Variants in RBFOX3 observed in about 807,000 individuals in gnomAD.
The protein encoded by RBFOX3 is RNA binding protein fox-1 homolog 3.
Under a neutral mutation model 48.7 loss-of-function variants are expected in RBFOX3, and 17 were observed. The ratio of observed to expected loss-of-function variants is 0.35; its 90% CI spans 0.24 to 0.52. The LOEUF (loss-of-function observed/expected upper bound fraction) is 0.52, where lower values mean the gene tolerates loss of function less well. Ranked by LOEUF, RBFOX3 falls within the 20% of genes least tolerant of loss-of-function variation. The pLI is 0.94. For missense variants in RBFOX3, 382 were observed against 497.5 expected, an observed-to-expected ratio of 0.77 and a Z score of 2.21; for synonymous variants, 212 against 209.5, an observed-to-expected ratio of 1.01 and a Z score of -0.10.
chr17:79,235,462 A>C (rs1241715715), intron 4 of RBFOX3: 2 of 152,248 alleles, frequency 1.3e-5, no homozygotes, highest in East Asian at 3.9e-4. Context: ...GGCCAGCCAG[A>C]ATTGCCTAAA....
intron 3 of RBFOX3, among the ~76,000 whole-genome samples, chr17:79,253,166 T>C (rs1181632373): frequency 2.0e-5 from 3 of 152,054 alleles, no homozygotes; most frequent in Non-Finnish European, 4.4e-5. Context: ...TAACCACCAC[T>C]CCTCCTAGCA....
intron 3 of RBFOX3, among the ~76,000 whole-genome samples, chr17:79,257,874 C>T (rs377346633): frequency 6.6e-6 from 1 of 152,094 alleles, no homozygotes; most frequent in East Asian, 1.9e-4. Context: ...AGCCACCATG[C>T]CTGGTCTGTC....
intron 1 of RBFOX3, among the ~76,000 whole-genome samples, chr17:79,586,886 T>C (rs2093267548): frequency 6.6e-6 from 1 of 152,232 alleles, no homozygotes. Context: ...GCTGTCGATA[T>C]TCCTTTATGA....
In RBFOX3 at chr17:79,227,979, G is replaced by A. The variant is rs555610276; in HGVS notation, c.-34+7787C>T. On this transcript the variant is annotated intron_variant, in intron 4 of 14. Transcript: ENST00000693108. ...CCTCCCCCTACGAATCCTCTGGAGAGACAAGGGGCCCTGCGGTCAGCGTCA... is the reference window on the plus strand; with the variant it reads ...CCTCCCCCTACGAATCCTCTGGAGAAACAAGGGGCCCTGCGGTCAGCGTCA... 1.7e-3 allele frequency among the ~76,000 whole-genome samples: 252 copies of A among 152,304 alleles called. 1 individual carries two copies. Among genetic ancestry groups the A allele is most frequent in the African/African-American group, 5.8e-3 (243 of 41,570 alleles).
chr17:79,516,971 G>GATGGGA (rs1484305473), intron 1 of RBFOX3, among the ~76,000 whole-genome samples: 1 of 152,120 alleles, frequency 6.6e-6, no homozygotes, highest in Non-Finnish European at 1.5e-5. Context: ...CTGGGCTGGG[G>GATGGGA]ATGGGAATGG....
intron 3 of RBFOX3, among the ~76,000 whole-genome samples, chr17:79,262,344 C>T (rs1434196390): frequency 2.0e-5 from 3 of 152,244 alleles, no homozygotes; most frequent in Non-Finnish European, 4.4e-5. Flanking sequence ...CAGGACTGGC[C>T]TGGGAGCCAG....
intron 4 of RBFOX3, among the ~76,000 whole-genome samples, chr17:79,159,796 T>C (rs368351932): frequency 6.6e-6 from 1 of 152,068 alleles, no homozygotes; most frequent in Admixed American, 6.5e-5. Flanking sequence ...ACACACACAC[T>C]ACCTCCACAC....
Position 79,122,362 on chromosome 17 carries a change from TCTTG to T in RBFOX3, c.-33-6618_-33-6615del, listed in dbSNP as rs537792025. 3.2e-4 allele frequency among the ~76,000 whole-genome samples: 49 copies of T among 152,298 alleles called. 1 individual carries two copies. Among genetic ancestry groups the T allele is most frequent in the African/African-American group, 1.0e-3 (42 of 41,540 alleles). Reference sequence around the variant, plus strand: ...ACGACCCCTGCTCCTGCTTCTCTCCTCTTGCTTGTCTACTCCAGCCACAAATGTC... The same window carrying T: ...ACGACCCCTGCTCCTGCTTCTCTCCTCTTGTCTACTCCAGCCACAAATGTC... On this transcript the variant is annotated intron_variant, in intron 4 of 14. Transcript: ENST00000693108.
intron 4 of RBFOX3, among the ~76,000 whole-genome samples, chr17:79,191,330 C>T (rs564211321): frequency 6.6e-6 from 1 of 152,320 alleles, no homozygotes; most frequent in East Asian, 1.9e-4. Context: ...TCTGACCAAA[C>T]CTGAAAGACT....
chr17:79,621,668 G>A, the RBFOX3 span, among the ~76,000 whole-genome samples: 2 of 152,186 alleles, frequency 1.3e-5, no homozygotes, highest in Non-Finnish European at 2.9e-5. Context: ...CAGAAACCAA[G>A]TGCGGGAGTC....
chr17:79,432,702 T>C lies in RBFOX3; in HGVS notation c.-175+49752A>G, dbSNP rs571898574. 5.9e-5 allele frequency among the ~76,000 whole-genome samples: 9 copies of C among 151,746 alleles called. No homozygotes were observed. The South Asian group carries it at 1.9e-3, about 32-fold the overall frequency. Reference sequence around the variant, plus strand: ...ATTTACTGATGAGAAACCAGGGAGATGCCCTAAGGCAGACAAAGGGGAAAA... The same window carrying C: ...ATTTACTGATGAGAAACCAGGGAGACGCCCTAAGGCAGACAAAGGGGAAAA... On this transcript the variant is annotated intron_variant, in intron 2 of 14. Coordinates refer to ENST00000693108, the MANE Select transcript of RBFOX3 (RefSeq NM_001350451.2).
chr17:79,292,578 A>ACG (rs774371975), intron 3 of RBFOX3, among the ~76,000 whole-genome samples: 384 of 123,468 alleles, frequency 3.1e-3, no homozygotes, highest in African/African-American at 0.013. Flanking sequence ...ACACACACAC[A>ACG]CACATGCACA....
intron 4 of RBFOX3, among the ~76,000 whole-genome samples, chr17:79,179,379 C>T (rs1158053518): frequency 1.3e-5 from 2 of 152,222 alleles, no homozygotes; most frequent in Admixed American, 6.5e-5. Flanking sequence ...TCCACGGAAG[C>T]TTCCGGTGCC....
At chr17:79,370,840 A>G (rs2058438728) in intron 2 of RBFOX3, among the ~76,000 whole-genome samples, 1 of 152,250 alleles carries the variant, frequency 6.6e-6, no homozygotes, top group Non-Finnish European at 1.5e-5. Flanking sequence ...ACATATGCAC[A>G]CAGGCACATG....
At chr17:79,410,651 A>T (rs565560389) in intron 2 of RBFOX3, among the ~76,000 whole-genome samples, 1 of 152,116 alleles carries the variant, frequency 6.6e-6, no homozygotes, top group Non-Finnish European at 1.5e-5. Flanking sequence ...TGTGCATCTG[A>T]GCTTCTGACT....
chr17:79,365,584 C>A (rs2057620794), intron 2 of RBFOX3, among the ~76,000 whole-genome samples: 1 of 152,254 alleles, frequency 6.6e-6, no homozygotes, highest in African/African-American at 2.4e-5. Flanking sequence ...CCCACTGAAG[C>A]CGGCGCGGCG....
chr17:79,251,265 C>T (rs1396743243), intron 3 of RBFOX3, among the ~76,000 whole-genome samples: 2 of 152,180 alleles, frequency 1.3e-5, no homozygotes. Flanking sequence ...AGATCTCTGG[C>T]ACCTCCTAGA....
At chr17:79,137,427 C>A (rs1212391190) in intron 4 of RBFOX3, among the ~76,000 whole-genome samples, 1 of 152,100 alleles carries the variant, frequency 6.6e-6, no homozygotes, top group Non-Finnish European at 1.5e-5. Flanking sequence ...GGCAAAATCA[C>A]CCCCTGTTGA....
At chr17:79,308,890 G>A (rs191636366) in intron 2 of RBFOX3, among the ~76,000 whole-genome samples, 17 of 152,108 alleles carry the variant, frequency 1.1e-4, no homozygotes, top group Non-Finnish European at 1.6e-4. Context: ...AAGCCGAGGC[G>A]GGGGGATCAC....
Sources: allele counts gnomAD v4.1 joint callset (sites outside exome capture counted in the v4.1 genomes callset), GRCh38; gene constraint gnomAD v4.1.1; transcripts MANE v1.5; gene names NCBI Gene and HGNC (gene_info 2026-07-23, HGNC 2026-07-21).